The following NBEA variants were observed in gnomAD, a reference collection of about 807,000 sequenced individuals.
The protein encoded by NBEA is lysosomal-trafficking regulator 2.
NBEA carries 44 observed loss-of-function variants against 343.4 expected under a neutral mutation model. The ratio of observed to expected loss-of-function variants is 0.13; its 90% CI spans 0.10 to 0.16. NBEA has a LOEUF of 0.16. NBEA is among the 10% of genes least tolerant of loss of function. The probability of loss-of-function intolerance (pLI) is 1.00; values close to 1 mark genes in which losing one functional copy is unlikely to be tolerated. For missense variants in NBEA, 2,555 were observed against 3,631.3 expected (o/e 0.70, Z 7.62); for synonymous variants, 1,175 against 1,238.7 (o/e 0.95, Z 1.08).
chr13:35,348,316 G>A (rs2039997425), intron 36 of NBEA, among the ~76,000 whole-genome samples: 2 of 152,188 alleles, frequency 1.3e-5, no homozygotes, highest in Admixed American at 1.3e-4. Context: ...GTTAGGAAGT[G>A]TGGGAAAAGA....
chr13:35,126,105 A>G (rs1260045624), intron 17 of NBEA, among the ~76,000 whole-genome samples: 7 of 152,172 alleles, frequency 4.6e-5, no homozygotes, highest in South Asian at 2.1e-4. Context: ...GACCAGGTAG[A>G]CATAATTGGA....
intron 43 of NBEA, among the ~76,000 whole-genome samples, chr13:35,553,732 T>A (rs1479326994): frequency 6.6e-6 from 1 of 152,200 alleles, no homozygotes; most frequent in Admixed American, 6.5e-5. Context: ...AAGTCTGTTG[T>A]TCCCAAACTA....
At chr13:35,107,276 T>TC (rs140600093) in intron 11 of NBEA, among the ~76,000 whole-genome samples, 46 of 150,988 alleles carry the variant, frequency 3.0e-4, no homozygotes, top group Non-Finnish European at 4.6e-4. Context: ...TTGTTTTGGT[T>TC]CCCCCCCCTT....
intron 5 of NBEA, among the ~76,000 whole-genome samples, chr13:35,049,662 G>A (rs1184271230): frequency 6.6e-6 from 1 of 151,798 alleles, no homozygotes; most frequent in East Asian, 1.9e-4. Context: ...ATTAATTTCA[G>A]TGGTATCTGC....
intron 39 of NBEA, among the ~76,000 whole-genome samples, chr13:35,445,258 G>A (rs1442571460): frequency 6.6e-6 from 1 of 151,868 alleles, no homozygotes; most frequent in Non-Finnish European, 1.5e-5. Flanking sequence ...CATTAACTAT[G>A]TTCTTTTTCA....
chr13:35,132,274 AAGCCTCCCACGT>A (rs949311951), intron 17 of NBEA, among the ~76,000 whole-genome samples: 2 of 152,050 alleles, frequency 1.3e-5, no homozygotes, highest in African/African-American at 4.8e-5. Flanking sequence ...TCTTCTGCCT[AAGCCTCCCACGT>A]AGCCAGGACT....
chr13:35,594,947 TCACACA>T (rs71196581), intron 47 of NBEA, among the ~76,000 whole-genome samples: 2,347 of 111,086 alleles, frequency 0.021, 51 homozygotes, highest in African/African-American at 0.062. Flanking sequence ...TTTGACATCA[TCACACA>T]CACACACACA....
At chr13:35,663,208 T>G (rs2085184029) in intron 55 of NBEA, among the ~76,000 whole-genome samples, 1 of 152,222 alleles carries the variant, frequency 6.6e-6, no homozygotes, top group Non-Finnish European at 1.5e-5. Context: ...ACACTAGATT[T>G]TATTCCTTCT....
intron 1 of NBEA, among the ~76,000 whole-genome samples, chr13:34,979,519 C>T (rs1041578452): frequency 7.4e-5 from 11 of 148,496 alleles, no homozygotes; most frequent in African/African-American, 2.7e-4. Flanking sequence ...GACTCTGTCT[C>T]AAAGAAAAAA....
chr13:35,110,789 T>C, intron 12 of NBEA, 21 bp from the exon 13 acceptor site: 3 of 1,576,054 alleles, frequency 1.9e-6, no homozygotes, highest in Non-Finnish European at 2.6e-6. Flanking sequence ...ATTTTAATGA[T>C]CTGTTAATAT....
At chr13:34,984,489 C>T (rs2060476894) in intron 1 of NBEA, among the ~76,000 whole-genome samples, 1 of 151,456 alleles carries the variant, frequency 6.6e-6, no homozygotes, top group Non-Finnish European at 1.5e-5. Flanking sequence ...ATGCCTCCAG[C>T]TTTGTTCTTT....
intron 45 of NBEA, among the ~76,000 whole-genome samples, chr13:35,570,210 A>G (rs1437644821): frequency 6.6e-6 from 1 of 152,020 alleles, no homozygotes; most frequent in African/African-American, 2.4e-5. Flanking sequence ...ATTTTTTTGT[A>G]TTTTTAGTAG....
At chr13:35,324,531 G>C (rs555613332) in intron 36 of NBEA, among the ~76,000 whole-genome samples, 1 of 152,196 alleles carries the variant, frequency 6.6e-6, no homozygotes, top group African/African-American at 2.4e-5. Context: ...ATGTATTCCT[G>C]AAGTTCTTAG....
chr13:35,002,246 A>G (rs1485696887), intron 1 of NBEA, among the ~76,000 whole-genome samples: 8 of 152,174 alleles, frequency 5.3e-5, no homozygotes, highest in Non-Finnish European at 1.0e-4. Context: ...GTCTGAGAGA[A>G]TAGGGGTTCC....
At chr13:35,504,873 A>G (rs2077017214) in intron 41 of NBEA, among the ~76,000 whole-genome samples, 1 of 152,100 alleles carries the variant, frequency 6.6e-6, no homozygotes, top group Admixed American at 6.6e-5. Context: ...TGGCCTCCCA[A>G]AGTGCTGGGA....
At chr13:35,360,667 TA>T (rs546523179) in intron 38 of NBEA, among the ~76,000 whole-genome samples, 1 of 151,886 alleles carries the variant, frequency 6.6e-6, no homozygotes, top group East Asian at 1.9e-4. Context: ...AAAAAGTATA[TA>T]AAAAAACAAA....
chr13:35,445,146 A>G (rs187270265), intron 39 of NBEA, among the ~76,000 whole-genome samples: 238 of 152,256 alleles, frequency 1.6e-3, no homozygotes, highest in African/African-American at 5.6e-3. Flanking sequence ...TGCCAAGACC[A>G]TAGACTCATG....
intron 35 of NBEA, among the ~76,000 whole-genome samples, chr13:35,306,259 T>G (rs76308627): frequency 6.6e-6 from 1 of 152,236 alleles, no homozygotes; most frequent in Admixed American, 6.5e-5. Flanking sequence ...TTATGTATTA[T>G]ATTGTTCATC....
chr13:35,089,888 T>C (rs1593309353), intron 10 of NBEA, among the ~76,000 whole-genome samples: 1 of 123,854 alleles, frequency 8.1e-6, no homozygotes, highest in African/African-American at 3.0e-5. Context: ...GGAAGGGGAA[T>C]ATCACACTCT....
Sources: allele counts gnomAD v4.1 joint callset (sites outside exome capture counted in the v4.1 genomes callset), GRCh38; gene constraint gnomAD v4.1.1; transcripts MANE v1.5; gene names NCBI Gene and HGNC (gene_info 2026-07-23, HGNC 2026-07-21).